FCHO2: variants seen among roughly 807,000 people sequenced by gnomAD.
FCHO2 encodes F-BAR domain only protein 2.
FCHO2 carries 43 observed loss-of-function variants against 114.1 expected under a neutral mutation model. That is an observed-to-expected ratio of 0.38 (90% CI 0.30 to 0.49). The LOEUF (loss-of-function observed/expected upper bound fraction) is 0.49, where lower values mean the gene tolerates loss of function less well. Among genes scored for constraint, FCHO2 ranks in the 20% least tolerant of loss-of-function variants. FCHO2 has a pLI of 0.97. For missense variants in FCHO2, 807 were observed against 950.4 expected (o/e 0.85, Z 1.98); for synonymous variants, 293 against 315.2 (o/e 0.93, Z 0.75).
intron 2 of FCHO2, among the ~76,000 whole-genome samples, chr5:72,977,622 A>G (rs986459219): frequency 6.6e-6 from 1 of 152,144 alleles, no homozygotes; most frequent in Non-Finnish European, 1.5e-5. Context: ...CTTTAGTTTA[A>G]TTAGATCCCA....
chr5:73,077,104 T>C (rs191429904), intron 20 of FCHO2, among the ~76,000 whole-genome samples: 1 of 152,294 alleles, frequency 6.6e-6, no homozygotes, highest in African/African-American at 2.4e-5. Context: ...TGCATTTGTG[T>C]TTAGAGTTTA....
At chr5:73,079,103 A>AT (rs1383805518) in intron 22 of FCHO2, among the ~76,000 whole-genome samples, 1 of 152,148 alleles carries the variant, frequency 6.6e-6, no homozygotes, top group Non-Finnish European at 1.5e-5. Context: ...TAAGTCAAGA[A>AT]TTTTTTATTT....
chr5:72,961,887 G>A (rs1002824578), intron 1 of FCHO2, among the ~76,000 whole-genome samples: 3 of 152,158 alleles, frequency 2.0e-5, no homozygotes, highest in Middle Eastern at 3.4e-3. Flanking sequence ...CACCATGCCC[G>A]GCTTCACCAT....
At chr5:73,042,011 T>C (rs1339784561) in intron 11 of FCHO2, among the ~76,000 whole-genome samples, 1 of 152,140 alleles carries the variant, frequency 6.6e-6, no homozygotes, top group African/African-American at 2.4e-5. Flanking sequence ...GTAACTATTG[T>C]TTCCTTTGAT....
At chr5:73,044,908 G>A (rs958649024) in intron 11 of FCHO2, among the ~76,000 whole-genome samples, 2 of 152,072 alleles carry the variant, frequency 1.3e-5, no homozygotes, top group African/African-American at 4.8e-5. Context: ...AGCTGTATGG[G>A]CCCTAATATA....
chr5:73,037,900 C>CA, intron 10 of FCHO2: 1 of 308,542 alleles, frequency 3.2e-6, no homozygotes, highest in Non-Finnish European at 6.5e-6. Context: ...GCTGGAATTA[C>CA]GGCGCCCACC....
chr5:72,968,044 C>T (rs1223940578), intron 1 of FCHO2, among the ~76,000 whole-genome samples: 1 of 152,004 alleles, frequency 6.6e-6, no homozygotes, highest in Non-Finnish European at 1.5e-5. Flanking sequence ...CCTGCCTCGG[C>T]CTCCCAAGTA....
At position 73,058,447 on chromosome 5, in the gene FCHO2, AT is replaced by A; in HGVS notation, c.1271del (p.Leu424TyrfsTer20). On this transcript the variant is annotated frameshift_variant, in exon 17 of 26. Transcript: ENST00000430046. LOFTEE classifies it high-confidence loss of function. The stretch of plus-strand genomic sequence containing the variant: ...TATTATGGTAGAAAAGGAACCAGTG[AT>A]TTACTTGCTTGGGACCCCCTATTTG... ...SAPPNEKGTS[D>X]LLAWDPLFGP... 6.4e-7 allele frequency: 1 copy of A among 1,563,608 alleles called. No individual in the cohort carries two copies. The highest frequency in any genetic ancestry group is 1.2e-5 in the South Asian group (1 of 82,256).
At chr5:73,004,316 A>G (rs982529417) in intron 5 of FCHO2, among the ~76,000 whole-genome samples, 1 of 152,166 alleles carries the variant, frequency 6.6e-6, no homozygotes, top group Non-Finnish European at 1.5e-5. Flanking sequence ...GGGGCAGGAT[A>G]TTAGAGGATT....
intron 8 of FCHO2, among the ~76,000 whole-genome samples, chr5:73,018,886 T>C (rs372584986): frequency 6.6e-6 from 1 of 152,178 alleles, no homozygotes; most frequent in Non-Finnish European, 1.5e-5. Flanking sequence ...ACATCTTCAA[T>C]AGTTTTCCAA....
In FCHO2 at chr5:73,089,542, G is replaced by C. The variant is rs1348900751; in HGVS notation, c.*1452G>C. The C allele has an allele frequency of 6.6e-6, 1 of 152,376 alleles. No individual in the cohort carries two copies. The highest frequency in any genetic ancestry group is 1.5e-5 in the Non-Finnish European group (1 of 67,904). The allele number at this position is 152,376 out of a possible 1,614,324, so 9.4% of individuals were successfully genotyped here. Reference sequence around the variant, plus strand: ...CTAAATAGTAAGAAACCTAACTTTAGTAGCAAATCTTGATTAATTGAAGAA... The same window carrying C: ...CTAAATAGTAAGAAACCTAACTTTACTAGCAAATCTTGATTAATTGAAGAA... On this transcript the variant is annotated 3_prime_UTR_variant, in exon 26 of 26. Transcript: ENST00000430046.
Position 73,017,265 on chromosome 5 carries a change from A to G in FCHO2, c.753A>G (p.Ile251Met). 1 of 1,567,586 alleles carries G rather than the reference A, an allele frequency of 6.4e-7. No homozygotes were observed. Among genetic ancestry groups the G allele is most frequent in the East Asian group, 2.3e-5 (1 of 42,668 alleles). Residue 251 changes from isoleucine to methionine, a missense_variant, in exon 8 of 26, where the codon ATA becomes ATG. By Grantham distance (10) the Ile-to-Met change is conservative. Coordinates refer to ENST00000430046, the MANE Select transcript of FCHO2 (RefSeq NM_138782.3). Reference protein sequence around the residue: ...NMANTTVESLIQKFAESKGTG... With the variant: ...NMANTTVESLMQKFAESKGTG... ...CTAATACTACAGTTGAAAGTTTGATACAAAAATTTGCTGAGTCAAAAGGCA... is the reference window on the plus strand; with the variant it reads ...CTAATACTACAGTTGAAAGTTTGATGCAAAAATTTGCTGAGTCAAAAGGCA...
At chr5:73,016,022 C>G (rs986648210) in intron 7 of FCHO2, among the ~76,000 whole-genome samples, 1 of 151,880 alleles carries the variant, frequency 6.6e-6, no homozygotes, top group Non-Finnish European at 1.5e-5. Context: ...TCAAGCTTTA[C>G]TATTTTTAAA....
At chr5:73,054,611 G>T in intron 15 of FCHO2, 62 bp downstream of exon 15, 1 of 1,211,482 alleles carries the variant, frequency 8.3e-7, no homozygotes, top group Non-Finnish European at 1.2e-6. Flanking sequence ...CAATTTGTTA[G>T]TCTTTTACCT....
intron 5 of FCHO2, among the ~76,000 whole-genome samples, chr5:73,001,448 CAAAA>C (rs1215202339): frequency 1.5e-5 from 1 of 65,536 alleles, no homozygotes; most frequent in East Asian, 4.4e-4. Flanking sequence ...GATCCTGTCT[CAAAA>C]AAAAAAAAAA....
chr5:73,083,217 C>CT (rs1743183088), intron 24 of FCHO2, among the ~76,000 whole-genome samples: 1 of 151,984 alleles, frequency 6.6e-6, no homozygotes, highest in African/African-American at 2.4e-5. Context: ...ACTGCAATAC[C>CT]TTTTTTAAGG....
chr5:73,056,612 G>T (rs1757607402), intron 16 of FCHO2, among the ~76,000 whole-genome samples: 1 of 151,894 alleles, frequency 6.6e-6, no homozygotes, highest in South Asian at 2.1e-4. Flanking sequence ...TTCTCGCTTG[G>T]TAATATGTCC....
At chr5:72,979,643 G>A (rs1352912410) in intron 2 of FCHO2, among the ~76,000 whole-genome samples, 13 of 151,506 alleles carry the variant, frequency 8.6e-5, no homozygotes, top group African/African-American at 2.4e-4. Context: ...CGCCCGCCTC[G>A]GCCTCCCAAA....
chr5:73,076,204 C>T (rs1157854865), intron 20 of FCHO2, among the ~76,000 whole-genome samples: 3 of 152,056 alleles, frequency 2.0e-5, no homozygotes, highest in African/African-American at 7.2e-5. Flanking sequence ...AAAAATTGAC[C>T]ATTGACAATA....
Sources: allele counts gnomAD v4.1 joint callset (sites outside exome capture counted in the v4.1 genomes callset), GRCh38; gene constraint gnomAD v4.1.1; transcripts MANE v1.5; gene names NCBI Gene and HGNC (gene_info 2026-07-23, HGNC 2026-07-21).